The following MCCC1 variants were observed in gnomAD, a reference collection of about 807,000 sequenced individuals.
MCCC1 encodes methylcrotonoyl-CoA carboxylase subunit alpha, mitochondrial.
MCCC1 carries 64 observed loss-of-function variants against 83.8 expected under a neutral mutation model. The ratio of observed to expected loss-of-function variants is 0.76; its 90% CI spans 0.62 to 0.94. The LOEUF is 0.94. Ranked by LOEUF, MCCC1 falls within the 40% of genes least tolerant of loss-of-function variation. The probability of loss-of-function intolerance (pLI) is 0.00; values close to 1 mark genes in which losing one functional copy is unlikely to be tolerated. For synonymous variants in MCCC1, 322 were observed against 315.4 expected (o/e 1.02, Z -0.22); for missense variants, 807 against 904.7 (o/e 0.89, Z 1.39).
At chr3:183,023,901 A>G (rs1334598663) in intron 15 of MCCC1, among the ~76,000 whole-genome samples, 1 of 152,100 alleles carries the variant, frequency 6.6e-6, no homozygotes, top group Non-Finnish European at 1.5e-5. Context: ...TCAAAATATG[A>G]CCTATGTGTT....
At chr3:183,082,586 C>T (rs749279849) in intron 4 of MCCC1, among the ~76,000 whole-genome samples, 1 of 152,178 alleles carries the variant, frequency 6.6e-6, no homozygotes, top group Non-Finnish European at 1.5e-5. Context: ...CAAGGCAGTA[C>T]AACAGTCTCT....
rs35706839 is a variant in MCCC1, at chr3:183,015,467, C to T, written c.2149G>A (p.Glu717Lys). ...RHTPLVEFEE[E>K]ESDKRESE ...TCCGATTCCCTTTTGTCTGATTCTTCCTCCTCAAACTCGACTAAAGGAGTG... is the reference window on the plus strand; with the variant it reads ...TCCGATTCCCTTTTGTCTGATTCTTTCTCCTCAAACTCGACTAAAGGAGTG... The change falls in exon 19 of 19, where the codon GAA becomes AAA. Residue 717 changes from glutamate to lysine, a missense_variant. Glu to Lys is a moderately conservative substitution (Grantham distance 56, BLOSUM62 1). Coordinates refer to ENST00000265594, the MANE Select transcript of MCCC1 (RefSeq NM_020166.5). 8.4e-4 allele frequency: 1,360 copies of T among 1,614,144 alleles called. 7 individuals are homozygous for T. The African/African-American group carries it at 0.016, about 19-fold the overall frequency.
chr3:183,046,275 T>C (rs775421493), intron 9 of MCCC1, among the ~76,000 whole-genome samples: 4 of 152,248 alleles, frequency 2.6e-5, no homozygotes, highest in Non-Finnish European at 5.9e-5. Flanking sequence ...TCTAGAATTT[T>C]ATATAAATGA....
intron 4 of MCCC1, among the ~76,000 whole-genome samples, chr3:183,081,105 G>A (rs1717460135): frequency 6.6e-6 from 1 of 152,140 alleles, no homozygotes; most frequent in African/African-American, 2.4e-5. Flanking sequence ...GTACACTCTG[G>A]GAACAGCCTT....
At chr3:183,043,019 G>A (rs1714235744) in intron 10 of MCCC1, among the ~76,000 whole-genome samples, 1 of 152,224 alleles carries the variant, frequency 6.6e-6, no homozygotes, top group South Asian at 2.1e-4. Flanking sequence ...GTCAGGTGTG[G>A]TGGCTCATGC....
rs1713667385 is a variant in MCCC1, at chr3:183,037,008, T to C, written c.1594+210A>G. The stretch of plus-strand genomic sequence containing the variant: ...ATTTCTACAATGTTAGGTGATTAGT[T>C]ACACTCCAGTTAATGGGTTAAATAG... On this transcript the variant is annotated intron_variant, in intron 13 of 18. Coordinates refer to ENST00000265594, the MANE Select transcript of MCCC1 (RefSeq NM_020166.5). Among the ~76,000 whole-genome samples, 4 of 152,098 alleles carry C rather than the reference T, an allele frequency of 2.6e-5. No individual in the cohort carries two copies. The South Asian group carries it at 8.3e-4, about 32-fold the overall frequency.
At chr3:183,080,908 C>G (rs1717442147) in intron 4 of MCCC1, among the ~76,000 whole-genome samples, 1 of 152,200 alleles carries the variant, frequency 6.6e-6, no homozygotes, top group African/African-American at 2.4e-5. Flanking sequence ...GACTCATTCA[C>G]TATCATGAGA....
At position 183,092,471 on chromosome 3, in the gene MCCC1, G is replaced by GT; in HGVS notation, c.210dup (p.Leu71ThrfsTer10). 6.2e-7 allele frequency: 1 copy of GT among 1,614,156 alleles called. No individual in the cohort carries two copies. Among genetic ancestry groups the GT allele is most frequent in the Non-Finnish European group, 8.5e-7 (1 of 1,180,018 alleles). On this transcript the variant is annotated frameshift_variant, in exon 3 of 19. Coordinates refer to ENST00000265594, the MANE Select transcript of MCCC1 (RefSeq NM_020166.5). LOFTEE classifies it high-confidence loss of function. ...TAAACCGCCACAGTCTGTACACCCA[G>GT]TTTTTTGGCTGTGCGCATCACCCTG... is the stretch of plus-strand genomic sequence containing the variant.
intron 3 of MCCC1, among the ~76,000 whole-genome samples, chr3:183,089,487 G>T (rs1336184090): frequency 1.3e-5 from 2 of 152,152 alleles, no homozygotes; most frequent in Non-Finnish European, 2.9e-5. Flanking sequence ...GGTAGCAAGT[G>T]CCTGTAGTCC....
intron 14 of MCCC1, among the ~76,000 whole-genome samples, chr3:183,033,788 T>C (rs892979940): frequency 2.6e-5 from 4 of 152,170 alleles, no homozygotes; most frequent in Non-Finnish European, 5.9e-5. Flanking sequence ...TTTTAAAAAG[T>C]GTAAAGAAGA....
intron 1 of MCCC1, among the ~76,000 whole-genome samples, chr3:183,095,283 A>G (rs1356212357): frequency 1.6e-5 from 2 of 127,488 alleles, no homozygotes; most frequent in African/African-American, 5.2e-5. Flanking sequence ...ACTCCGTCTC[A>G]AAAAAAAAAA....
intron 18 of MCCC1, 140 bp from the exon 19 acceptor site, chr3:183,015,706 T>TTTG (rs982388565): frequency 1.3e-5 from 13 of 1,004,022 alleles, no homozygotes; most frequent in Admixed American, 9.0e-5. Flanking sequence ...TTTCCAACGC[T>TTTG]TTGTTGTTGT....
chr3:183,115,852 CAAATTA>C (rs1719578474), exon 1 of MCCC1: 3 of 150,894 alleles, frequency 2.0e-5, no homozygotes, highest in African/African-American at 7.3e-5. Context: ...AACTCCATCT[CAAATTA>C]AAAAAAAAAA....
At chr3:183,034,777 C>CTTTTT (rs397963844) in intron 13 of MCCC1, among the ~76,000 whole-genome samples, 5 of 143,894 alleles carry the variant, frequency 3.5e-5, no homozygotes, top group Non-Finnish European at 3.0e-5. Flanking sequence ...CCTTATAGGC[C>CTTTTT]TTTTTTTTTT....
At chr3:183,111,626 G>A (rs1719493862) in intron 1 of MCCC1, among the ~76,000 whole-genome samples, 1 of 152,200 alleles carries the variant, frequency 6.6e-6, no homozygotes, top group African/African-American at 2.4e-5. Context: ...AGACTATAAA[G>A]TGATACATGC....
chr3:183,032,320 CTT>C (rs1713147952), intron 14 of MCCC1, among the ~76,000 whole-genome samples: 1 of 152,144 alleles, frequency 6.6e-6, no homozygotes, highest in Admixed American at 6.5e-5. Context: ...GCCAGTGAAA[CTT>C]TACCGCTTTT....
chr3:183,050,705 C>CAAAAAAA (rs746973567), intron 9 of MCCC1, among the ~76,000 whole-genome samples: 1 of 43,648 alleles, frequency 2.3e-5, no homozygotes. Flanking sequence ...GACTCTGTCT[C>CAAAAAAA]AAAAAAAAAA....
chr3:183,017,298 A>C lies in MCCC1; in HGVS notation c.2017T>G (p.Ser673Ala). The change falls in exon 18 of 19, where the codon TCC (serine) becomes GCC (alanine). Residue 673 changes from serine (S) to alanine (A), a missense_variant. Ser to Ala is a moderately conservative substitution (Grantham distance 99). Transcript: ENST00000265594. ...KAGDKVKAGD[S>A]LMVMIAMKME... is the part of the protein sequence containing the mutation. The stretch of plus-strand genomic sequence containing the variant: ...TTCATGGCGATCATAACCATGAGGG[A>C]ATCTCCCGCTTTCACTTTGTCTCCA... The C allele has an allele frequency of 6.2e-7, 1 of 1,613,966 alleles. No homozygotes were observed. Among genetic ancestry groups the C allele is most frequent in the Non-Finnish European group, 8.5e-7 (1 of 1,180,016 alleles).
chr3:183,059,508 C>T (rs1409064023), intron 7 of MCCC1, among the ~76,000 whole-genome samples: 1 of 152,130 alleles, frequency 6.6e-6, no homozygotes, highest in Non-Finnish European at 1.5e-5. Flanking sequence ...TTATTTTAAA[C>T]AAACTGTTAT....
Sources: allele counts gnomAD v4.1 joint callset (sites outside exome capture counted in the v4.1 genomes callset), GRCh38; gene constraint gnomAD v4.1.1; transcripts MANE v1.5; gene names NCBI Gene and HGNC (gene_info 2026-07-23, HGNC 2026-07-21).